ARHGEF11: variants seen among roughly 807,000 people sequenced by gnomAD.
The protein encoded by ARHGEF11 is Rho guanine exchange factor (GEF) 11.
ARHGEF11 carries 55 observed loss-of-function variants against 193.7 expected under a neutral mutation model. The observed-to-expected ratio is 0.28, with a 90% CI of 0.23 to 0.36. The LOEUF (loss-of-function observed/expected upper bound fraction) is 0.36, where lower values mean the gene tolerates loss of function less well. Ranked by LOEUF, ARHGEF11 falls within the 10% of genes least tolerant of loss-of-function variation. The pLI is 1.00. For synonymous variants in ARHGEF11, 693 were observed against 768.0 expected, an observed-to-expected ratio of 0.90 and a Z score of 1.62; for missense variants, 1,723 against 2,005.6, an observed-to-expected ratio of 0.86 and a Z score of 2.69.
intron 1 of ARHGEF11, among the ~76,000 whole-genome samples, chr1:156,994,639 G>A (rs1666232902): frequency 6.6e-6 from 1 of 152,128 alleles, no homozygotes; most frequent in African/African-American, 2.4e-5. Flanking sequence ...GGGAGGCAGA[G>A]AACTCGTGTG....
chr1:156,976,953 TGGCCA>T lies in ARHGEF11; in HGVS notation c.582+25_582+29del, dbSNP rs555483757. The T allele has an allele frequency of 4.2e-5, 67 of 1,588,172 alleles. No individual in the cohort carries two copies. In the African/African-American group the frequency reaches 7.8e-4, roughly 18 times the overall value. On this transcript the variant is annotated intron_variant, in intron 7 of 40. Transcript: ENST00000368194. ...ATAAAGTATTATTTCACTCAGGCAATGGCCAGTCTACCCTTGGCAGTGACCTTACC... is the reference window on the plus strand; with the variant it reads ...ATAAAGTATTATTTCACTCAGGCAATGTCTACCCTTGGCAGTGACCTTACC...
intron 36 of ARHGEF11, 29 bp downstream of exon 36, chr1:156,940,178 G>C (rs535684254): frequency 6.5e-7 from 1 of 1,541,346 alleles, no homozygotes; most frequent in African/African-American, 1.4e-5. Context: ...GGGGACCAGG[G>C]GCTGACGGCA....
intron 3 of ARHGEF11, among the ~76,000 whole-genome samples, chr1:156,983,329 C>T (rs1287460133): frequency 6.6e-6 from 1 of 152,216 alleles, no homozygotes; most frequent in Non-Finnish European, 1.5e-5. Flanking sequence ...TCATGCCATT[C>T]TCCTGCCTCA....
In ARHGEF11 at chr1:156,941,385, C is replaced by T. The variant is rs781004231; in HGVS notation, c.3501G>A (p.Glu1167=). Residue 1167 remains glutamate, a synonymous_variant, in exon 35 of 41, where the codon GAG becomes GAA. Coordinates refer to ENST00000368194, the MANE Select transcript of ARHGEF11 (RefSeq NM_198236.3). ...CAGGGCCCTTACCTCCAGGCAGCTC[C>T]TCAGGTTCAGGTTCACCATGGAACA... ...SDVFHGEPEP[E]ELPGGTGSQQ... is the part of the protein sequence containing the mutation. 6.2e-7 allele frequency: 1 copy of T among 1,613,974 alleles called. No homozygotes were observed. The highest frequency in any genetic ancestry group is 1.1e-5 in the South Asian group (1 of 91,066).
At chr1:156,984,241 T>C (rs1664606439) in intron 3 of ARHGEF11, 98 bp downstream of exon 3, 1 of 976,684 alleles carries the variant, frequency 1.0e-6, no homozygotes, top group South Asian at 1.6e-5. Flanking sequence ...AGTAATTCAT[T>C]CATGCCCCAC....
At chr1:156,991,842 A>G (rs1196443020) in intron 1 of ARHGEF11, among the ~76,000 whole-genome samples, 2 of 142,906 alleles carry the variant, frequency 1.4e-5, no homozygotes, top group Non-Finnish European at 3.0e-5. Flanking sequence ...TCAGCCTCCC[A>G]AGTAGCTGGG....
At chr1:156,970,157 T>C in intron 8 of ARHGEF11, 114 bp from the exon 9 acceptor site, 1 of 858,820 alleles carries the variant, frequency 1.2e-6, no homozygotes, top group South Asian at 1.5e-5. Context: ...TCCGCTTCAT[T>C]GCCTCAAAAA....
Position 156,959,195 on chromosome 1 carries a change from G to A in ARHGEF11, c.1283-53C>T, listed in dbSNP as rs995535530. The A allele has an allele frequency of 5.3e-6, 8 of 1,512,188 alleles. No individual in the cohort carries two copies. The Admixed American group carries it at 8.7e-5, about 16-fold the overall frequency. 93.7% of individuals were successfully genotyped at this position (1,512,188 alleles called of 1,614,324 possible). A position where few individuals can be genotyped will look rare whatever the true frequency, so the allele number is the denominator to read the frequency against. ...GTGGATGGGGTACTGGGGGTGGAGG[G>A]GGATCCCTTCTGCTGAGCATCTCAA... is the stretch of plus-strand genomic sequence containing the variant. On this transcript the variant is annotated intron_variant, in intron 15 of 40. Transcript: ENST00000368194.
intron 18 of ARHGEF11, among the ~76,000 whole-genome samples, chr1:156,957,438 C>A (rs1182204429): frequency 6.6e-6 from 1 of 152,210 alleles, no homozygotes; most frequent in Admixed American, 6.5e-5. Flanking sequence ...ATTACTGTTA[C>A]TACTTGAGGT....
intron 1 of ARHGEF11, among the ~76,000 whole-genome samples, chr1:156,996,859 A>AT (rs60592654): frequency 0.02 from 1,889 of 93,840 alleles, 64 homozygotes; most frequent in Non-Finnish European, 0.025. Context: ...CTCTCTCTCT[A>AT]TTTTTTTTTT....
chr1:156,984,528 T>G, intron 2 of ARHGEF11, 91 bp from the exon 3 acceptor site: 1 of 841,564 alleles, frequency 1.2e-6, no homozygotes, highest in South Asian at 1.7e-5. Context: ...CCCAGTGCCT[T>G]TCTTCTTCAA....
At chr1:157,035,023 C>T (rs1671734656) in intron 1 of ARHGEF11, among the ~76,000 whole-genome samples, 1 of 152,056 alleles carries the variant, frequency 6.6e-6, no homozygotes, top group Non-Finnish European at 1.5e-5. Flanking sequence ...GGCTGGTCTA[C>T]CCGAAGCAGG....
At position 157,044,606 on chromosome 1, in the gene ARHGEF11, C is replaced by A; in HGVS notation, c.-276G>T. 1 of 486,280 alleles carries A rather than the reference C, an allele frequency of 2.1e-6. No homozygotes were observed. Among genetic ancestry groups the A allele is most frequent in the South Asian group, 4.4e-5 (1 of 22,730 alleles). 30.1% of individuals were successfully genotyped at this position (486,280 alleles called of 1,614,324 possible). A position where few individuals can be genotyped will look rare whatever the true frequency, so the allele number is the denominator to read the frequency against. On this transcript the variant is annotated 5_prime_UTR_variant, in exon 1 of 41. Transcript: ENST00000368194. ...AAAAAAAGGAAAAGAGGAAAAACTA[C>A]GACCTTCTCAGAAACCAAAAACCCA...
At chr1:157,025,901 T>C (rs1670576730) in intron 1 of ARHGEF11, among the ~76,000 whole-genome samples, 1 of 152,138 alleles carries the variant, frequency 6.6e-6, no homozygotes, top group African/African-American at 2.4e-5. Flanking sequence ...GTGATGAGGG[T>C]AGGTATAACA....
intron 1 of ARHGEF11, among the ~76,000 whole-genome samples, chr1:157,033,391 T>C (rs534633917): frequency 6.6e-6 from 1 of 152,208 alleles, no homozygotes; most frequent in East Asian, 1.9e-4. Context: ...TTTTTCTCCC[T>C]CTCTGAAGTC....
At chr1:157,024,494 T>C (rs1433319131) in intron 1 of ARHGEF11, among the ~76,000 whole-genome samples, 1 of 152,222 alleles carries the variant, frequency 6.6e-6, no homozygotes, top group Admixed American at 6.5e-5. Context: ...GGGATTATTA[T>C]GATACAAAAT....
At chr1:157,017,751 A>T (rs1296173996) in intron 1 of ARHGEF11, among the ~76,000 whole-genome samples, 1 of 151,014 alleles carries the variant, frequency 6.6e-6, no homozygotes, top group Non-Finnish European at 1.5e-5. Flanking sequence ...AAGAGGATTT[A>T]ATAATTTCTT....
chr1:156,936,050 C>T lies in ARHGEF11; in HGVS notation c.4639G>A (p.Ala1547Thr), dbSNP rs752313950. The stretch of plus-strand genomic sequence containing the variant: ...TCTGCTGTGCTGTCTTCCAGGGGGG[C>T]GTCAGAGCCTGTGGGAGGAGGATGA... ...LGPCPEDGSD[A>T]PLEDSTADAA... The change falls in exon 41 of 41, where the codon GCC becomes ACC. Residue 1547 changes from alanine (A) to threonine (T), a missense_variant. This residue lies in a region of ARHGEF11 where 360 missense variants were observed against 344.4 expected (regional missense o/e 1.05). Coordinates refer to ENST00000368194, the MANE Select transcript of ARHGEF11 (RefSeq NM_198236.3). 1.2e-5 allele frequency: 19 copies of T among 1,613,742 alleles called. No homozygotes were observed. Among genetic ancestry groups the T allele is most frequent in the Middle Eastern group, 3.3e-4 (2 of 6,084 alleles).
At position 156,978,446 on chromosome 1, in the gene ARHGEF11, C is replaced by A. The variant is rs543556013; in HGVS notation, c.332-64G>T. 6.6e-6 allele frequency: 10 copies of A among 1,509,838 alleles called. No homozygotes were observed. In the South Asian group the frequency reaches 9.5e-5, roughly 14 times the overall value. The allele number at this position is 1,509,838 out of a possible 1,614,324, so 93.5% of individuals were successfully genotyped here. A position where few individuals can be genotyped will look rare whatever the true frequency, so the allele number is the denominator to read the frequency against. On this transcript the variant is annotated intron_variant, in intron 5 of 40. Transcript: ENST00000368194. ...GTTCTGGAGAGACAGTCCAGCTATA[C>A]AGGAGGGGGCTGTTCTCCCTTGTCC... is the stretch of plus-strand genomic sequence containing the variant.
Sources: allele counts gnomAD v4.1 joint callset (sites outside exome capture counted in the v4.1 genomes callset), GRCh38; gene constraint gnomAD v4.1.1; regional missense constraint gnomAD v4.1.1; transcripts MANE v1.5; gene names NCBI Gene and HGNC (gene_info 2026-07-23, HGNC 2026-07-21).